ADGRB1: variants seen among roughly 807,000 people sequenced by gnomAD.
ADGRB1 encodes the protein adhesion G protein-coupled receptor B1, also known as brain-specific angiogenesis inhibitor 1.
ADGRB1 carries 36 observed loss-of-function variants against 175.7 expected under a neutral mutation model. The observed-to-expected ratio is 0.20, with a 90% CI of 0.16 to 0.27. The LOEUF is 0.27. Among genes scored for constraint, ADGRB1 ranks in the 10% least tolerant of loss-of-function variants. The pLI, the probability that ADGRB1 is intolerant of heterozygous loss-of-function variation, is 1.00. For missense variants in ADGRB1, 1,731 were observed against 2,255.3 expected (o/e 0.77, Z 4.71); for synonymous variants, 1,054 against 979.4 (o/e 1.08, Z -1.42).
At chr8:142,541,823 G>C in intron 27 of ADGRB1, 118 bp from the exon 28 acceptor site, 2 of 1,103,778 alleles carry the variant, frequency 1.8e-6, no homozygotes, top group Admixed American at 5.2e-5. Context: ...ACCTGGCCAG[G>C]GTCTCCCAGG....
chr8:142,482,664 G>A (rs1053729296), intron 11 of ADGRB1, among the ~76,000 whole-genome samples: 2 of 149,298 alleles, frequency 1.3e-5, no homozygotes, highest in Non-Finnish European at 3.0e-5. Context: ...GCTGAGCCTC[G>A]ATCCTGGTCA....
Position 142,525,468 on chromosome 8 carries a change from G to A in ADGRB1, c.3313-1074G>A, listed in dbSNP as rs188274224. Among the ~76,000 whole-genome samples, 46 of 152,292 alleles carry A rather than the reference G, an allele frequency of 3.0e-4. No individual in the cohort carries two copies. The East Asian group carries it at 5.0e-3, about 17-fold the overall frequency. ...CCTGTCCTTGGGGCCACGTGGGGCA[G>A]GCTGGGCAGAGCCTGCTGCAGGCAG... On this transcript the variant is annotated intron_variant, in intron 23 of 30. Coordinates refer to ENST00000517894, the MANE Select transcript of ADGRB1 (RefSeq NM_001702.3).
chr8:142,538,296 C>A (rs1845058703), intron 26 of ADGRB1, among the ~76,000 whole-genome samples: 1 of 152,206 alleles, frequency 6.6e-6, no homozygotes, highest in South Asian at 2.1e-4. Context: ...AGCTCACAGG[C>A]AGGGCCTCAG....
chr8:142,528,848 C>G (rs1844406743), intron 24 of ADGRB1, among the ~76,000 whole-genome samples: 1 of 152,248 alleles, frequency 6.6e-6, no homozygotes, highest in Non-Finnish European at 1.5e-5. Context: ...GGCCTGGCAG[C>G]ACAAGGCACC....
chr8:142,456,037 T>C (rs1199148872), intron 1 of ADGRB1, among the ~76,000 whole-genome samples: 1 of 151,954 alleles, frequency 6.6e-6, no homozygotes, highest in South Asian at 2.1e-4. Flanking sequence ...TCGGGGGTAA[T>C]GGCCACCCCA....
rs1249557486 is a variant in ADGRB1 at position 142,493,349 on chromosome 8, G to C, written c.2675+2534G>C. Among the ~76,000 whole-genome samples, 1 of 151,950 alleles carries C rather than the reference G, an allele frequency of 6.6e-6. No individual in the cohort carries two copies. Among genetic ancestry groups the C allele is most frequent in the Admixed American group, 6.5e-5 (1 of 15,278 alleles). On this transcript the variant is annotated intron_variant, in intron 17 of 30. Coordinates refer to ENST00000517894, the MANE Select transcript of ADGRB1 (RefSeq NM_001702.3). The surrounding 1 kb of genome is among the most constrained non-coding windows in gnomAD (Gnocchi z 5.0). ...TATGGCCAGGGTCTGCCTGCTTTTA[G>C]GCAGGGGCGGGGGCAGCAGGACGGC...
At position 142,511,513 on chromosome 8, in the gene ADGRB1, C is replaced by G. The variant is rs769248707; in HGVS notation, c.2817+440C>G. 7.2e-5 allele frequency among the ~76,000 whole-genome samples: 11 copies of G among 152,162 alleles called. No individual in the cohort carries two copies. The highest frequency in any genetic ancestry group is 1.6e-4 in the Non-Finnish European group (11 of 68,028). ...GAGCTGCCGCCTTGGCAGAGCCCTT[C>G]GACCCACCCCAAGTAGAGCCTGGTC... is the stretch of plus-strand genomic sequence containing the variant. On this transcript the variant is annotated intron_variant, in intron 18 of 30. Transcript: ENST00000517894. The surrounding 1 kb of genome is among the most constrained non-coding windows in gnomAD (Gnocchi z 4.5).
At chr8:142,484,532 G>A in intron 12 of ADGRB1, 124 bp from the exon 13 acceptor site, 2 of 1,018,782 alleles carry the variant, frequency 2.0e-6, no homozygotes, top group Non-Finnish European at 2.8e-6. Context: ...GAGGTCACCA[G>A]CCCCACTTCC....
chr8:142,457,148 C>T (rs561494803), intron 1 of ADGRB1, among the ~76,000 whole-genome samples: 13 of 152,274 alleles, frequency 8.5e-5, no homozygotes, highest in South Asian at 4.1e-4. Flanking sequence ...TGGCCTCTGA[C>T]GCTGGGCCAA....
chr8:142,502,633 C>T (rs67152691), intron 17 of ADGRB1, among the ~76,000 whole-genome samples: 124,114 of 147,312 alleles, frequency 0.84, 52,578 homozygotes, highest in African/African-American at 0.95. Context: ...AAGATGGGGA[C>T]GGTGACGGTG....
intron 13 of ADGRB1, among the ~76,000 whole-genome samples, chr8:142,487,077 A>G (rs1213033639): frequency 6.6e-6 from 1 of 152,214 alleles, no homozygotes; most frequent in Non-Finnish European, 1.5e-5. Flanking sequence ...TAGAAACATC[A>G]ACACGACTGA....
intron 24 of ADGRB1, among the ~76,000 whole-genome samples, chr8:142,528,555 C>T (rs1844369949): frequency 6.6e-6 from 1 of 152,028 alleles, no homozygotes; most frequent in African/African-American, 2.4e-5. Context: ...TCAGCCGTCC[C>T]CGCACCCCCT....
At chr8:142,520,793 G>C in intron 19 of ADGRB1, 30 bp from the exon 20 acceptor site, 4 of 1,589,562 alleles carry the variant, frequency 2.5e-6, no homozygotes, top group Non-Finnish European at 3.5e-6. Context: ...TCTGTTGGGT[G>C]CTGACCTTGG....
At chr8:142,529,972 G>A (rs531112213) in intron 24 of ADGRB1, among the ~76,000 whole-genome samples, 15 of 151,538 alleles carry the variant, frequency 9.9e-5, no homozygotes, top group Admixed American at 5.9e-4. Flanking sequence ...GTGTGCATAC[G>A]TGCAAACGTG....
Position 142,477,198 on chromosome 8 carries a change from G to T in ADGRB1, c.1142G>T (p.Cys381Phe). 6.3e-7 allele frequency: 1 copy of T among 1,599,500 alleles called. No homozygotes were observed. Among genetic ancestry groups the T allele is most frequent in the Non-Finnish European group, 8.5e-7 (1 of 1,178,536 alleles). ...GGCTGGCAGACCCGCACGCGCTTCT[G>T]CGTGTCCTCCTCCTACAGCACGCAG... ...GEGWQTRTRF[C>F]VSSSYSTQCS... Residue 381 changes from cysteine (C) to phenylalanine (F), a missense_variant, in exon 5 of 31, where the codon TGC becomes TTC. Physicochemically the swap from Cys to Phe is radical, Grantham distance 205 (BLOSUM62 -2). Transcript: ENST00000517894.
intron 24 of ADGRB1, among the ~76,000 whole-genome samples, chr8:142,528,371 G>A (rs966849564): frequency 2.0e-5 from 3 of 152,060 alleles, no homozygotes; most frequent in South Asian, 2.1e-4. Flanking sequence ...CCACCACAGC[G>A]CCCACGCCCC....
intron 1 of ADGRB1, among the ~76,000 whole-genome samples, chr8:142,460,448 C>G (rs1839914177): frequency 6.6e-6 from 1 of 152,234 alleles, no homozygotes; most frequent in Non-Finnish European, 1.5e-5. Context: ...TATGGCCTCT[C>G]CCAAGGCCTG....
Position 142,464,141 on chromosome 8 carries a change from G to A in ADGRB1, c.-58G>A, listed in dbSNP as rs1840113900. On this transcript the variant is annotated 5_prime_UTR_variant, in exon 2 of 31. Coordinates refer to ENST00000517894, the MANE Select transcript of ADGRB1 (RefSeq NM_001702.3). ...CCGCCGCCGGACCCTGGCATGTCAAGACCTGGTCCGCGCCTGCCTGCCCAG... is the reference window on the plus strand; with the variant it reads ...CCGCCGCCGGACCCTGGCATGTCAAAACCTGGTCCGCGCCTGCCTGCCCAG... 1 of 1,051,316 alleles carries A rather than the reference G, an allele frequency of 9.5e-7. No individual in the cohort carries two copies. The highest frequency in any genetic ancestry group is 1.1e-6 in the Non-Finnish European group (1 of 874,332). The allele number at this position is 1,051,316 out of a possible 1,614,324, so 65.1% of individuals were successfully genotyped here.
At position 142,510,954 on chromosome 8, in the gene ADGRB1, C is replaced by A; in HGVS notation, c.2698C>A (p.Gln900Lys). The A allele has an allele frequency of 1.5e-6, 2 of 1,295,080 alleles. No homozygotes were observed. The highest frequency in any genetic ancestry group is 1.6e-5 in the African/African-American group (1 of 63,256). The allele number at this position is 1,295,080 out of a possible 1,614,324, so 80.2% of individuals were successfully genotyped here. Residue 900 changes from glutamine (Q) to lysine (K), a missense_variant, in exon 18 of 31, where the codon CAG becomes AAG. Physicochemically the swap from Gln to Lys is moderately conservative, Grantham distance 53. This residue lies in a region of ADGRB1 where 77 missense variants were observed against 71.6 expected (regional missense o/e 1.08). Coordinates refer to ENST00000517894, the MANE Select transcript of ADGRB1 (RefSeq NM_001702.3). The surrounding 1 kb of genome is among the most constrained non-coding windows in gnomAD (Gnocchi z 6.3). Reference sequence around the variant, plus strand: ...CAGACCCTCCTCCTCCGCCCCCCCGCAGCTCGGGCCCTGGTCGTGGCGCGG... The same window carrying A: ...CAGACCCTCCTCCTCCGCCCCCCCGAAGCTCGGGCCCTGGTCGTGGCGCGG... ...TDVPSSSAPP[Q>K]LGPWSWRGCR...
Sources: allele counts gnomAD v4.1 joint callset (sites outside exome capture counted in the v4.1 genomes callset), GRCh38; gene constraint gnomAD v4.1.1; regional missense constraint gnomAD v4.1.1; non-coding constraint Gnocchi (gnomAD v3.1); transcripts MANE v1.5; gene names NCBI Gene and HGNC (gene_info 2026-07-23, HGNC 2026-07-21).